The following FHOD3 variants were observed in gnomAD, a reference collection of about 807,000 sequenced individuals.
FHOD3 encodes formin homology 2 domain containing 3.
A neutral mutation model predicts 173.0 loss-of-function variants in FHOD3; 90 were observed. The ratio of observed to expected loss-of-function variants is 0.52; its 90% CI spans 0.44 to 0.62. The LOEUF is 0.62. Among genes scored for constraint, FHOD3 ranks in the 20% least tolerant of loss-of-function variants. The pLI, the probability that FHOD3 is intolerant of heterozygous loss-of-function variation, is 0.00. For missense variants in FHOD3, 1,945 were observed against 2,034.7 expected (o/e 0.96, Z 0.85); for synonymous variants, 828 against 823.0 (o/e 1.01, Z -0.10).
At chr18:36,441,465 A>G (rs545926779) in intron 3 of FHOD3, among the ~76,000 whole-genome samples, 2 of 152,190 alleles carry the variant, frequency 1.3e-5, no homozygotes, top group Non-Finnish European at 2.9e-5. Context: ...AGGAAGTGTG[A>G]CTGGAGACAG....
intron 9 of FHOD3, among the ~76,000 whole-genome samples, chr18:36,621,616 G>A (rs188362205): frequency 4.1e-4 from 62 of 152,302 alleles, no homozygotes; most frequent in Admixed American, 1.6e-3. Context: ...GTCCCAGTGT[G>A]TAAACACTTT....
intron 18 of FHOD3, among the ~76,000 whole-genome samples, chr18:36,717,591 G>C (rs941989455): frequency 6.6e-6 from 1 of 152,152 alleles, no homozygotes; most frequent in African/African-American, 2.4e-5. Context: ...CATGAGCCCA[G>C]GTAGGAGCCA....
At chr18:36,597,637 A>G (rs1288098439) in intron 7 of FHOD3, among the ~76,000 whole-genome samples, 1 of 152,190 alleles carries the variant, frequency 6.6e-6, no homozygotes, top group Non-Finnish European at 1.5e-5. Flanking sequence ...CGTTTTAGCC[A>G]GGATAGTCTC....
intron 17 of FHOD3, among the ~76,000 whole-genome samples, chr18:36,703,937 C>T (rs961567437): frequency 2.0e-5 from 3 of 152,166 alleles, no homozygotes; most frequent in African/African-American, 7.2e-5. Context: ...TCCCAAACCC[C>T]ACTCACTCCA....
rs71168224 is a variant in FHOD3, at chr18:36,437,682, T to TTTTTTTTTTTTTTA, written c.338-64250_338-64249insTTTTTTTTTTTTTA. On this transcript the variant is annotated intron_variant, in intron 3 of 28. Transcript: ENST00000590592. ...CTTTCTTTCTTTTTTTTTTTTTTTT[T>TTTTTTTTTTTTTTA]AAGACAGAGTCTTGCTCTGTCGCCA... Among the ~76,000 whole-genome samples the TTTTTTTTTTTTTTA allele has an allele frequency of 2.2e-4, 28 of 129,650 alleles. 1 individual carries two copies. Among genetic ancestry groups the TTTTTTTTTTTTTTA allele is most frequent in the Non-Finnish European group, 2.3e-4 (14 of 60,618 alleles). 85.1% of individuals were successfully genotyped at this position (129,650 alleles called of 152,430 possible).
intron 14 of FHOD3, among the ~76,000 whole-genome samples, chr18:36,679,628 TG>T (rs2038100948): frequency 6.6e-6 from 1 of 152,176 alleles, no homozygotes; most frequent in South Asian, 2.1e-4. Flanking sequence ...TAATTGTCCA[TG>T]TTTTTTTTTC....
intron 6 of FHOD3, among the ~76,000 whole-genome samples, chr18:36,593,305 G>A (rs2059290366): frequency 6.6e-6 from 1 of 152,210 alleles, no homozygotes; most frequent in African/African-American, 2.4e-5. Flanking sequence ...GCCAGGGGCT[G>A]TAGCACCTCT....
intron 5 of FHOD3, among the ~76,000 whole-genome samples, chr18:36,547,267 G>A (rs2057448724): frequency 6.6e-6 from 1 of 152,164 alleles, no homozygotes; most frequent in Admixed American, 6.5e-5. Context: ...TGAGTGGAAA[G>A]TTTCTCCTTC....
intron 24 of FHOD3, among the ~76,000 whole-genome samples, chr18:36,748,633 G>A (rs146194275): frequency 0.011 from 1,655 of 152,146 alleles, 19 homozygotes; most frequent in South Asian, 0.043. Flanking sequence ...GGCTGCTCCC[G>A]CCTCACCTGT....
chr18:36,338,714 C>T (rs1199720678), intron 1 of FHOD3, among the ~76,000 whole-genome samples: 1 of 152,146 alleles, frequency 6.6e-6, no homozygotes, highest in Admixed American at 6.5e-5. Context: ...AAAAGCTTTT[C>T]CTAGAAGTCC....
At chr18:36,312,782 C>T (rs929451426) in intron 1 of FHOD3, among the ~76,000 whole-genome samples, 4 of 152,130 alleles carry the variant, frequency 2.6e-5, no homozygotes, top group Admixed American at 1.3e-4. Context: ...AATGTGGGTG[C>T]CTATATTAGT....
At chr18:36,337,028 A>T (rs896538670) in intron 1 of FHOD3, among the ~76,000 whole-genome samples, 1 of 148,878 alleles carries the variant, frequency 6.7e-6, no homozygotes, top group African/African-American at 2.5e-5. Context: ...TAAAAATCAG[A>T]TGGGCGTGGT....
chr18:36,427,684 C>T lies in FHOD3; in HGVS notation c.337+54940C>T, dbSNP rs143502453. On this transcript the variant is annotated intron_variant, in intron 3 of 28. Coordinates refer to ENST00000590592, the MANE Select transcript of FHOD3 (RefSeq NM_001281740.3). ...AATGGCTTAAGGGTTCTTCATGGAT[C>T]GAGAGACTGTTTTTTTCATGTCTGC... 6.2e-3 allele frequency among the ~76,000 whole-genome samples: 941 copies of T among 152,240 alleles called. 12 individuals are homozygous for T. The highest frequency in any genetic ancestry group is 0.021 in the African/African-American group (867 of 41,544).
chr18:36,683,562 A>C (rs902514908), intron 15 of FHOD3, among the ~76,000 whole-genome samples: 1 of 152,226 alleles, frequency 6.6e-6, no homozygotes, highest in Non-Finnish European at 1.5e-5. Flanking sequence ...TACCTTCACT[A>C]TTACTTGGCA....
At chr18:36,388,084 T>C (rs1053653202) in intron 3 of FHOD3, among the ~76,000 whole-genome samples, 1 of 151,794 alleles carries the variant, frequency 6.6e-6, no homozygotes, top group African/African-American at 2.4e-5. Context: ...TTTGTGTGTC[T>C]TTGAAAGTGT....
intron 13 of FHOD3, 59 bp downstream of exon 13, chr18:36,653,475 T>C: frequency 1.6e-6 from 2 of 1,260,446 alleles, no homozygotes; most frequent in Non-Finnish European, 2.2e-6. Context: ...TTCTAATGTA[T>C]GCATTTTTCT....
At chr18:36,647,641 A>G (rs12604323) in intron 10 of FHOD3, among the ~76,000 whole-genome samples, 7,085 of 152,296 alleles carry the variant, frequency 0.047, 320 homozygotes, top group East Asian at 0.24. Context: ...GAAGACATGT[A>G]CTACACTGTT....
chr18:36,438,751 C>T (rs1353382923), intron 3 of FHOD3, among the ~76,000 whole-genome samples: 1 of 152,240 alleles, frequency 6.6e-6, no homozygotes, highest in Non-Finnish European at 1.5e-5. Context: ...CTCTCCTCTG[C>T]ACCACTGTAA....
intron 5 of FHOD3, among the ~76,000 whole-genome samples, chr18:36,520,427 G>A (rs905744356): frequency 3.3e-5 from 5 of 152,188 alleles, no homozygotes; most frequent in Non-Finnish European, 5.9e-5. Context: ...GCTGAACCAT[G>A]TGAGGTTGCT....
Sources: allele counts gnomAD v4.1 joint callset (sites outside exome capture counted in the v4.1 genomes callset), GRCh38; gene constraint gnomAD v4.1.1; transcripts MANE v1.5; gene names NCBI Gene and HGNC (gene_info 2026-07-23, HGNC 2026-07-21).